The following ZNF676 variants were observed in gnomAD, a reference collection of about 807,000 sequenced individuals.
ZNF676 encodes the protein zinc finger protein 676.
A neutral mutation model predicts 6.0 loss-of-function variants in ZNF676; 4 were observed. That is an observed-to-expected ratio of 0.67 (90% CI 0.33 to 1.53). The LOEUF (loss-of-function observed/expected upper bound fraction) is 1.53, where lower values mean the gene tolerates loss of function less well. Ranked by LOEUF, ZNF676 falls within the 40% of genes most tolerant of loss-of-function variation. The probability of loss-of-function intolerance (pLI) is 0.06; values close to 1 mark genes in which losing one functional copy is unlikely to be tolerated. For missense variants in ZNF676, 644 were observed against 679.7 expected, an observed-to-expected ratio of 0.95 and a Z score of 0.58; for synonymous variants, 198 against 223.1, an observed-to-expected ratio of 0.89 and a Z score of 1.00.
chr19:22,189,537 A>G (rs1479672117), intron 2 of ZNF676, among the ~76,000 whole-genome samples: 1 of 152,170 alleles, frequency 6.6e-6, no homozygotes, highest in Non-Finnish European at 1.5e-5. Flanking sequence ...AATTTAACTA[A>G]AGAGCTTCTA....
At chr19:22,244,233 A>G in the ZNF676 span, 58,984 of 151,772 alleles carry the variant, frequency 0.39, 12,747 homozygotes, top group African/African-American at 0.59. Context: ...TAGTAGAGAC[A>G]GAGTTTCACT....
intron 1 of ZNF676, among the ~76,000 whole-genome samples, chr19:22,202,901 G>T (rs2024040230): frequency 6.6e-6 from 1 of 152,194 alleles, no homozygotes; most frequent in Non-Finnish European, 1.5e-5. Context: ...TCTACAAAAA[G>T]TGTTGATTCG....
Position 22,204,828 on chromosome 19 carries a change from A to G in ZNF676, c.4-8102T>C, listed in dbSNP as rs187192878. On this transcript the variant is annotated intron_variant, in intron 1 of 3. Coordinates refer to the ZNF676 transcript ENST00000650058. ...AAGCAATGAATCTCAGGTCCCAGAT[A>G]AAGACAATTCTGAGTCAAAAGAATG... is the stretch of plus-strand genomic sequence containing the variant. Among the ~76,000 whole-genome samples the G allele has an allele frequency of 6.4e-3, 981 of 152,340 alleles. 6 individuals carry two copies. The highest frequency in any genetic ancestry group is 9.7e-3 in the Non-Finnish European group (663 of 68,028).
chr19:22,200,161 G>A (rs2024009514), upstream of ZNF676, among the ~76,000 whole-genome samples: 1 of 151,704 alleles, frequency 6.6e-6, no homozygotes, highest in African/African-American at 2.4e-5. Context: ...TTAAATCTGA[G>A]TTTGTATAAT....
At chr19:22,214,408 A>G (rs2024162425) in intron 1 of ZNF676, among the ~76,000 whole-genome samples, 1 of 151,828 alleles carries the variant, frequency 6.6e-6, no homozygotes, top group Admixed American at 6.6e-5. Context: ...TGAAATCAGG[A>G]GTTCGAGACC....
the ZNF676 span, among the ~76,000 whole-genome samples, chr19:22,228,849 T>C: frequency 9.1e-4 from 138 of 152,142 alleles, no homozygotes; most frequent in Non-Finnish European, 1.2e-3. Context: ...CTCAATGAAA[T>C]AGAAGAGGAC....
the ZNF676 span, among the ~76,000 whole-genome samples, chr19:22,234,075 C>T: frequency 2.6e-5 from 4 of 152,216 alleles, no homozygotes; most frequent in Non-Finnish European, 5.9e-5. Context: ...TCTGGCCATT[C>T]CTCCTTCCAT....
chr19:22,251,901 G>C, the ZNF676 span, among the ~76,000 whole-genome samples: 10 of 151,978 alleles, frequency 6.6e-5, no homozygotes, highest in African/African-American at 2.4e-4. Context: ...GTTTACTTGG[G>C]ATAATTTTAC....
chr19:22,197,000 G>A, upstream of ZNF676: 1 of 331,116 alleles, frequency 3.0e-6, no homozygotes, highest in Non-Finnish European at 5.5e-6. Flanking sequence ...ACACTAACAT[G>A]TACAATTTTG....
At chr19:22,206,599 T>G (rs1445409548) in intron 1 of ZNF676, among the ~76,000 whole-genome samples, 6 of 151,708 alleles carry the variant, frequency 4.0e-5, no homozygotes, top group African/African-American at 2.4e-5. Context: ...CACTTGAACC[T>G]GGGAGTCAGA....
intron 1 of ZNF676, among the ~76,000 whole-genome samples, chr19:22,212,036 A>G (rs892082632): frequency 2.0e-5 from 3 of 151,838 alleles, no homozygotes; most frequent in East Asian, 2.0e-4. Context: ...CGTCTCTATT[A>G]AAAATACAAA....
the ZNF676 span, among the ~76,000 whole-genome samples, chr19:22,226,102 A>G: frequency 6.6e-6 from 1 of 151,942 alleles, no homozygotes; most frequent in African/African-American, 2.4e-5. Context: ...TTTTTTGTCT[A>G]TGGTTCAAGG....
At chr19:22,230,218 A>G in the ZNF676 span, among the ~76,000 whole-genome samples, 30 of 152,324 alleles carry the variant, frequency 2.0e-4, no homozygotes, top group Middle Eastern at 3.4e-3. Context: ...TGAAGCTGGA[A>G]ACCATAATTC....
rs1188242048 is a variant in ZNF676 at position 22,215,737 on chromosome 19, G to A, written c.-103C>T. 2.8e-6 allele frequency: 4 copies of A among 1,438,044 alleles called. No homozygotes were observed. In the Admixed American group the frequency reaches 7.7e-5, roughly 28 times the overall value. The allele number at this position is 1,438,044 out of a possible 1,614,324, so 89.1% of individuals were successfully genotyped here. A position where few individuals can be genotyped will look rare whatever the true frequency, so the allele number is the denominator to read the frequency against. On this transcript the variant is annotated 5_prime_UTR_variant, in exon 1 of 4. Transcript: ENST00000650058. ...GGACTCTAGGAACAGTAAGGACAAGGCCTTTACCTCCGGCTGCAGCGAGAG... is the reference window on the plus strand; with the variant it reads ...GGACTCTAGGAACAGTAAGGACAAGACCTTTACCTCCGGCTGCAGCGAGAG...
At chr19:22,193,861 A>G (rs1415252910) in intron 1 of ZNF676, among the ~76,000 whole-genome samples, 1 of 152,172 alleles carries the variant, frequency 6.6e-6, no homozygotes, top group Non-Finnish European at 1.5e-5. Flanking sequence ...GTGGTTAATA[A>G]TGGAGTGCAA....
the ZNF676 span, among the ~76,000 whole-genome samples, chr19:22,221,803 G>T: frequency 6.6e-6 from 1 of 151,856 alleles, no homozygotes; most frequent in Non-Finnish European, 1.5e-5. Flanking sequence ...CTATCTTGAA[G>T]AATGTTTTAT....
the ZNF676 span, among the ~76,000 whole-genome samples, chr19:22,227,889 C>T: frequency 2.0e-5 from 3 of 152,070 alleles, no homozygotes; most frequent in Non-Finnish European, 4.4e-5. Flanking sequence ...CAAAAAATAC[C>T]TGGGACCAGA....
At chr19:22,244,039 T>C in the ZNF676 span, 1 of 14,852 alleles carries the variant, frequency 6.7e-5, no homozygotes, top group Non-Finnish European at 1.2e-4. Context: ...CTTTCTTCTC[T>C]TTTTTTTTTT....
the ZNF676 span, among the ~76,000 whole-genome samples, chr19:22,240,260 C>T: frequency 1.3e-5 from 2 of 149,856 alleles, no homozygotes; most frequent in African/African-American, 2.5e-5. Flanking sequence ...TGATAAGTTA[C>T]TATTTATCTG....
Sources: allele counts gnomAD v4.1 joint callset (sites outside exome capture counted in the v4.1 genomes callset), GRCh38; gene constraint gnomAD v4.1.1; transcripts MANE v1.5; gene names NCBI Gene and HGNC (gene_info 2026-07-23, HGNC 2026-07-21).